TNPO3: variants seen among roughly 807,000 people sequenced by gnomAD.
TNPO3 encodes transportin 3, also known as transportin-3.
In TNPO3, 65 loss-of-function variants were observed where a neutral mutation model predicts 122.8. The ratio of observed to expected loss-of-function variants is 0.53; its 90% CI spans 0.43 to 0.65. The LOEUF (loss-of-function observed/expected upper bound fraction) is 0.65, where lower values mean the gene tolerates loss of function less well. Among genes scored for constraint, TNPO3 ranks in the 30% least tolerant of loss-of-function variants. The probability of loss-of-function intolerance (pLI) is 0.00; values close to 1 mark genes in which losing one functional copy is unlikely to be tolerated. For synonymous variants in TNPO3, 372 were observed against 411.2 expected (o/e 0.90, Z 1.15); for missense variants, 850 against 1,136.7 (o/e 0.75, Z 3.63).
chr7:128,981,968 A>C (rs1207998179), intron 14 of TNPO3, among the ~76,000 whole-genome samples: 1 of 152,142 alleles, frequency 6.6e-6, no homozygotes, highest in African/African-American at 2.4e-5. Context: ...GAGCTCAAGC[A>C]ATCTGTCTGC....
intron 4 of TNPO3, among the ~76,000 whole-genome samples, chr7:129,010,595 A>G (rs1417076470): frequency 6.6e-6 from 1 of 152,178 alleles, no homozygotes; most frequent in African/African-American, 2.4e-5. Flanking sequence ...ATTATATTAC[A>G]AAGGAGGAAA....
chr7:128,990,349 C>T (rs1425003593), intron 10 of TNPO3: 2 of 607,730 alleles, frequency 3.3e-6, no homozygotes, highest in Non-Finnish European at 2.9e-6. Flanking sequence ...AAAGTGCCTA[C>T]AGACACATCA....
chr7:129,043,560 G>C (rs1807664784), intron 1 of TNPO3, among the ~76,000 whole-genome samples: 1 of 152,192 alleles, frequency 6.6e-6, no homozygotes, highest in African/African-American at 2.4e-5. Flanking sequence ...TCTGACAAAT[G>C]AATTTTGGCT....
At chr7:128,962,197 C>G (rs1797522170) in intron 21 of TNPO3, among the ~76,000 whole-genome samples, 1 of 151,526 alleles carries the variant, frequency 6.6e-6, no homozygotes, top group Non-Finnish European at 1.5e-5. Flanking sequence ...AACCCCGTCT[C>G]TACTAAAAAT....
intron 1 of TNPO3, among the ~76,000 whole-genome samples, chr7:129,052,727 A>G (rs1015052872): frequency 6.6e-6 from 1 of 152,216 alleles, no homozygotes; most frequent in Non-Finnish European, 1.5e-5. Flanking sequence ...TGTCTGGTTC[A>G]TTTCCAAATC....
chr7:129,013,976 G>C (rs55900917), intron 4 of TNPO3, among the ~76,000 whole-genome samples: 1 of 152,060 alleles, frequency 6.6e-6, no homozygotes, highest in African/African-American at 2.4e-5. Flanking sequence ...GAAGGGTAAC[G>C]GGGAGGGGAC....
At chr7:128,982,052 A>G (rs559919826) in intron 14 of TNPO3, among the ~76,000 whole-genome samples, 196 bp downstream of exon 14, 16 of 152,146 alleles carry the variant, frequency 1.1e-4, no homozygotes, top group Non-Finnish European at 1.9e-4. Context: ...AGAGTATTTT[A>G]ACACAAAGAC....
At chr7:128,992,961 A>C (rs1800906008) in intron 9 of TNPO3, among the ~76,000 whole-genome samples, 1 of 151,608 alleles carries the variant, frequency 6.6e-6, no homozygotes, top group Non-Finnish European at 1.5e-5. Flanking sequence ...ATCTGAGCAG[A>C]GGTCATCTGT....
intron 1 of TNPO3, among the ~76,000 whole-genome samples, chr7:129,043,782 CT>C (rs1435135735): frequency 1.3e-5 from 2 of 152,214 alleles, no homozygotes; most frequent in Non-Finnish European, 2.9e-5. Context: ...ACTCGATAAT[CT>C]TTTCACTGTG....
chr7:128,987,840 A>G (rs1800328781), intron 11 of TNPO3, among the ~76,000 whole-genome samples: 1 of 152,074 alleles, frequency 6.6e-6, no homozygotes, highest in Non-Finnish European at 1.5e-5. Context: ...CAGCCTCCCA[A>G]AGTGCTGGGG....
At chr7:129,045,129 T>C (rs1807867165) in intron 1 of TNPO3, among the ~76,000 whole-genome samples, 2 of 152,216 alleles carry the variant, frequency 1.3e-5, no homozygotes, top group Admixed American at 1.3e-4. Flanking sequence ...TGATTCCACT[T>C]ACATGAGGTA....
At chr7:129,031,293 C>G (rs1318712951) in intron 1 of TNPO3, among the ~76,000 whole-genome samples, 1 of 150,302 alleles carries the variant, frequency 6.7e-6, no homozygotes, top group Non-Finnish European at 1.5e-5. Flanking sequence ...GAGTGAGGTT[C>G]TATGTCAAAA....
chr7:128,989,820 C>A (rs1408380073), intron 11 of TNPO3, 141 bp downstream of exon 11: 2 of 893,682 alleles, frequency 2.2e-6, no homozygotes, highest in African/African-American at 1.7e-5. Flanking sequence ...CACTAACTTA[C>A]AACATATTGT....
chr7:129,027,737 G>A (rs1563107575), intron 1 of TNPO3, among the ~76,000 whole-genome samples: 4 of 152,078 alleles, frequency 2.6e-5, no homozygotes, highest in Admixed American at 2.6e-4. Flanking sequence ...TCCCCTCATG[G>A]CATTTGCCAA....
At chr7:129,009,239 C>T (rs574385560) in intron 4 of TNPO3, among the ~76,000 whole-genome samples, 21 of 152,250 alleles carry the variant, frequency 1.4e-4, no homozygotes, top group African/African-American at 4.1e-4. Context: ...AGCAGAAACA[C>T]GTTTAAAACT....
intron 1 of TNPO3, among the ~76,000 whole-genome samples, chr7:129,040,072 C>T (rs142449971): frequency 0.014 from 2,115 of 151,988 alleles, 40 homozygotes; most frequent in East Asian, 0.064. Context: ...CTGGCCAACA[C>T]GGTGAAACCC....
At position 129,044,515 on chromosome 7, in the gene TNPO3, GA is replaced by G. The variant is rs1259434626; in HGVS notation, c.120+10135del. The stretch of plus-strand genomic sequence containing the variant: ...TTTCATTTTGGATACTCTACCAGAA[GA>G]AGAAAATTAAATTAGTACTTTTAAG... On this transcript the variant is annotated intron_variant, in intron 1 of 22. Coordinates refer to ENST00000265388, the MANE Select transcript of TNPO3 (RefSeq NM_012470.4). Among the ~76,000 whole-genome samples the G allele has an allele frequency of 2.6e-5, 4 of 152,158 alleles. No individual in the cohort carries two copies. The East Asian group carries it at 7.7e-4, about 29-fold the overall frequency.
intron 1 of TNPO3, among the ~76,000 whole-genome samples, chr7:129,022,282 G>T (rs1051162629): frequency 1.3e-5 from 2 of 152,038 alleles, no homozygotes; most frequent in Admixed American, 1.3e-4. Flanking sequence ...CTACTAGGAG[G>T]CTGAGGAGGA....
intron 11 of TNPO3, among the ~76,000 whole-genome samples, chr7:128,988,431 C>G (rs1047518743): frequency 6.6e-6 from 1 of 152,138 alleles, no homozygotes; most frequent in Non-Finnish European, 1.5e-5. Flanking sequence ...ATCAAAAGAC[C>G]TAGAATCTAG....
Sources: gnomAD v4.1 joint callset for allele counts (sites outside exome capture counted in the v4.1 genomes callset) on GRCh38, gnomAD v4.1.1 for gene constraint, MANE v1.5 for transcripts, NCBI Gene and HGNC (gene_info 2026-07-23, HGNC 2026-07-21) for gene names.